The following PCDH15 variants were observed in gnomAD, a reference collection of about 807,000 sequenced individuals.
PCDH15 encodes the protein protocadherin-15.
Under a neutral mutation model 178.5 loss-of-function variants are expected in PCDH15, and 129 were observed. The observed-to-expected ratio is 0.72, with a 90% CI of 0.63 to 0.84. The LOEUF is 0.84. Ranked by LOEUF, PCDH15 falls within the 40% of genes least tolerant of loss-of-function variation. The pLI is 0.00. For missense variants in PCDH15, 2,230 were observed against 2,099.9 expected, an observed-to-expected ratio of 1.06 and a Z score of -1.21; for synonymous variants, 800 against 732.0, an observed-to-expected ratio of 1.09 and a Z score of -1.50.
chr10:55,219,934 G>A (rs1840822497), intron 1 of PCDH15, among the ~76,000 whole-genome samples: 1 of 150,336 alleles, frequency 6.7e-6, no homozygotes, highest in African/African-American at 2.5e-5. Context: ...AACATGTTAG[G>A]TCATCAATAA....
At chr10:54,876,438 G>A (rs931170739) in intron 3 of PCDH15, among the ~76,000 whole-genome samples, 3 of 152,102 alleles carry the variant, frequency 2.0e-5, no homozygotes, top group African/African-American at 7.2e-5. Context: ...GACCATAGCT[G>A]CCATAGATAG....
chr10:55,259,534 G>C (rs1321094916), intron 1 of PCDH15, among the ~76,000 whole-genome samples: 1 of 152,104 alleles, frequency 6.6e-6, no homozygotes, highest in Non-Finnish European at 1.5e-5. Flanking sequence ...CAGTCAACTG[G>C]TGAAAGACTC....
rs1042177322 is a variant in PCDH15 at position 55,055,830 on chromosome 10, A to AAAAG, written c.-80+110742_-80+110745dup. Among the ~76,000 whole-genome samples, 3 of 152,264 alleles carry AAAAG rather than the reference A, an allele frequency of 2.0e-5. No individual in the cohort carries two copies. The South Asian group carries it at 6.2e-4, about 32-fold the overall frequency. ...TCTCAAAAATCAATAAATAAAAAAG[A>AAAAG]AAAGAAAGAAAGAAAGGAGGGTGGC... On this transcript the variant is annotated intron_variant, in intron 2 of 5. Coordinates refer to the PCDH15 transcript ENST00000458638.
intron 3 of PCDH15, among the ~76,000 whole-genome samples, chr10:54,429,330 C>T (rs528257320): frequency 1.3e-5 from 2 of 151,990 alleles, no homozygotes; most frequent in South Asian, 2.1e-4. Flanking sequence ...GAAAAAATTA[C>T]AGCAGATACA....
chr10:55,038,556 G>A (rs1052513653), intron 2 of PCDH15, among the ~76,000 whole-genome samples: 4 of 152,164 alleles, frequency 2.6e-5, no homozygotes, highest in Non-Finnish European at 5.9e-5. Context: ...TCTTTTATAC[G>A]AGTCTGGTTA....
chr10:54,250,077 C>CTTTTTTTTTTT (rs773771288), intron 8 of PCDH15, among the ~76,000 whole-genome samples: 1 of 137,806 alleles, frequency 7.3e-6, no homozygotes, highest in Non-Finnish European at 1.6e-5. Flanking sequence ...CCACATCCGG[C>CTTTTTTTTTTT]TTTTTTTTTT....
chr10:54,106,528 C>G (rs1443238801), intron 15 of PCDH15, among the ~76,000 whole-genome samples: 1 of 152,174 alleles, frequency 6.6e-6, no homozygotes, highest in Non-Finnish European at 1.5e-5. Context: ...TGAGTCTGGT[C>G]TTTATAAAGC....
intron 2 of PCDH15, among the ~76,000 whole-genome samples, chr10:55,007,903 A>C (rs1412666417): frequency 6.6e-6 from 1 of 152,178 alleles, no homozygotes; most frequent in Non-Finnish European, 1.5e-5. Context: ...AAACCTGCAT[A>C]CTATACATGA....
At chr10:54,883,837 A>G (rs577367719) in intron 3 of PCDH15, among the ~76,000 whole-genome samples, 38 of 152,152 alleles carry the variant, frequency 2.5e-4, no homozygotes, top group African/African-American at 9.1e-4. Flanking sequence ...CATATTCACA[A>G]ATTCTAAAAG....
chr10:54,070,273 T>C (rs2094214002), intron 17 of PCDH15, among the ~76,000 whole-genome samples: 1 of 151,908 alleles, frequency 6.6e-6, no homozygotes, highest in African/African-American at 2.4e-5. Flanking sequence ...GCATGATCTC[T>C]GCTCACTGCA....
At position 55,274,790 on chromosome 10, in the gene PCDH15, C is replaced by T. The variant is rs183074476; in HGVS notation, c.-156+44809G>A. ...TTCGGGATGAAACTGTTCCATCTCACATCATCAGGCATTGTATTCTCATAA... is the reference window on the plus strand; with the variant it reads ...TTCGGGATGAAACTGTTCCATCTCATATCATCAGGCATTGTATTCTCATAA... On this transcript the variant is annotated intron_variant, in intron 1 of 5. Coordinates refer to the PCDH15 transcript ENST00000458638. 4.6e-5 allele frequency among the ~76,000 whole-genome samples: 7 copies of T among 152,194 alleles called. No homozygotes were observed. The East Asian group carries it at 7.7e-4, about 17-fold the overall frequency.
chr10:54,015,121 C>A (rs1334191009), intron 20 of PCDH15, among the ~76,000 whole-genome samples: 3 of 151,998 alleles, frequency 2.0e-5, no homozygotes, highest in Non-Finnish European at 4.4e-5. Flanking sequence ...CCAACAACAT[C>A]CAAGCTGAGG....
chr10:54,555,818 A>C (rs1436650038), intron 2 of PCDH15, among the ~76,000 whole-genome samples: 1 of 152,028 alleles, frequency 6.6e-6, no homozygotes, highest in Non-Finnish European at 1.5e-5. Flanking sequence ...TATCACACCT[A>C]ATTTGGACTA....
At chr10:54,701,254 T>C (rs559648846) in intron 1 of PCDH15, among the ~76,000 whole-genome samples, 1 of 152,046 alleles carries the variant, frequency 6.6e-6, no homozygotes, top group Non-Finnish European at 1.5e-5. Flanking sequence ...GATAAGCAAA[T>C]GTTAAGGAAA....
At chr10:54,278,427 C>T (rs1360374618) in intron 8 of PCDH15, among the ~76,000 whole-genome samples, 4 of 151,530 alleles carry the variant, frequency 2.6e-5, no homozygotes, top group African/African-American at 9.7e-5. Context: ...AAAATTTTGA[C>T]TTTAACATCT....
chr10:55,582,587 T>C (rs1291960059), intron 2 of PCDH15, among the ~76,000 whole-genome samples: 1 of 126,724 alleles, frequency 7.9e-6, no homozygotes, highest in Non-Finnish European at 1.6e-5. Flanking sequence ...CTATTCTGTA[T>C]GTGTATGTGT....
intron 1 of PCDH15, among the ~76,000 whole-genome samples, chr10:54,742,295 CT>C (rs5785090): frequency 0.051 from 7,781 of 152,028 alleles, 245 homozygotes; most frequent in Middle Eastern, 0.14. Flanking sequence ...TTTAGTCTCA[CT>C]TATTCCTACA....
intron 23 of PCDH15, among the ~76,000 whole-genome samples, chr10:53,943,712 T>A (rs767737247): frequency 1.6e-4 from 24 of 152,186 alleles, no homozygotes; most frequent in Non-Finnish European, 3.1e-4. Context: ...ACAACAGATT[T>A]ACTTCTAGAC....
intron 15 of PCDH15, among the ~76,000 whole-genome samples, chr10:54,112,386 T>C (rs1288300174): frequency 6.6e-6 from 1 of 151,878 alleles, no homozygotes; most frequent in African/African-American, 2.4e-5. Flanking sequence ...CTGCAGATAT[T>C]GCCAGTTGTC....
Sources: allele counts gnomAD v4.1 joint callset (sites outside exome capture counted in the v4.1 genomes callset), GRCh38; gene constraint gnomAD v4.1.1; transcripts MANE v1.5; gene names NCBI Gene and HGNC (gene_info 2026-07-23, HGNC 2026-07-21).